The following CDH17 variants were observed in gnomAD, a reference collection of about 807,000 sequenced individuals.
CDH17 encodes cadherin 17.
CDH17 carries 67 observed loss-of-function variants against 86.3 expected under a neutral mutation model. That is an observed-to-expected ratio of 0.78 (90% confidence interval 0.64 to 0.95). The LOEUF (loss-of-function observed/expected upper bound fraction) is 0.95, where lower values mean the gene tolerates loss of function less well. CDH17 is among the 40% of genes least tolerant of loss of function. CDH17 has a pLI of 0.00. For missense variants in CDH17, 993 were observed against 1,017.6 expected (o/e 0.98, Z 0.33); for synonymous variants, 367 against 366.4 (o/e 1.00, Z -0.02).
chr8:94,177,843 A>T, intron 3 of CDH17, 122 bp from the exon 4 acceptor site: 2 of 905,926 alleles, frequency 2.2e-6, no homozygotes, highest in Non-Finnish European at 3.3e-6. Flanking sequence ...AGAAATCCTC[A>T]ACTTTTAAAG....
In CDH17 at chr8:94,189,248, G is replaced by A. The variant is rs1813639395; in HGVS notation, c.89C>T (p.Pro30Leu). 2 of 1,612,448 alleles carry A rather than the reference G, an allele frequency of 1.2e-6. No individual in the cohort carries two copies. Among genetic ancestry groups the A allele is most frequent in the Admixed American group, 3.4e-5 (2 of 59,554 alleles). Residue 30 changes from proline (P) to leucine (L), a missense_variant, in exon 3 of 18, where the codon CCC becomes CTC. Pro to Leu is a moderately conservative substitution (Grantham distance 98). Transcript: ENST00000027335. ...AATAGAAAATGTCATGGGTTTCAGG[G>A]GTCCACTAAACTTCCCCTCTTGGCC... is the stretch of plus-strand genomic sequence containing the variant. ...GYGQEGKFSG[P>L]LKPMTFSIYE...
chr8:94,150,710 C>T (rs1812839697), intron 13 of CDH17, among the ~76,000 whole-genome samples: 1 of 152,178 alleles, frequency 6.6e-6, no homozygotes, highest in Non-Finnish European at 1.5e-5. Flanking sequence ...AATTTTCTTA[C>T]ATGCCTTTAT....
Position 94,173,785 on chromosome 8 carries a change from C to A in CDH17, c.783+12G>T. ...TAGTTGGCTCTCAGTGTTACTTGGG[C>A]TTGGGTACTACCTGAGTGATTTTGA... On this transcript the variant is annotated intron_variant, in intron 7 of 17. Transcript: ENST00000027335. 2.5e-6 allele frequency: 4 copies of A among 1,610,762 alleles called. No individual in the cohort carries two copies. The highest frequency in any genetic ancestry group is 2.5e-6 in the Non-Finnish European group (3 of 1,177,384).
Position 94,193,276 on chromosome 8 carries a change from G to A in CDH17, c.51+1359C>T, listed in dbSNP as rs373454327. Among the ~76,000 whole-genome samples, 90 of 152,332 alleles carry A rather than the reference G, an allele frequency of 5.9e-4. 3 individuals are homozygous for A. The South Asian group carries it at 0.017, about 28-fold the overall frequency. ...TTAGATATTATTATTAAATAATTTA[G>A]CAGTGTGCTCAGTGCTGAATCTGCA... On this transcript the variant is annotated intron_variant, in intron 2 of 17. Transcript: ENST00000027335.
intron 14 of CDH17, among the ~76,000 whole-genome samples, chr8:94,146,483 C>A (rs1028854727): frequency 9.2e-5 from 14 of 152,234 alleles, no homozygotes; most frequent in Non-Finnish European, 1.9e-4. Context: ...AGCACTCACA[C>A]CTTCACTTGC....
At chr8:94,129,914 C>CCCCAAGATATCTCATCGTGTATTTG (rs1812376277) in intron 17 of CDH17, among the ~76,000 whole-genome samples, 1 of 152,170 alleles carries the variant, frequency 6.6e-6, no homozygotes. Context: ...TGGGTCTCAT[C>CCCCAAGATATCTCATCGTGTATTTG]CCCAAGATAT....
At position 94,160,090 on chromosome 8, in the gene CDH17, C is replaced by T; in HGVS notation, c.1432G>A (p.Asp478Asn). 6.2e-7 allele frequency: 1 copy of T among 1,613,878 alleles called. No individual in the cohort carries two copies. Among genetic ancestry groups the T allele is most frequent in the Non-Finnish European group, 8.5e-7 (1 of 1,179,842 alleles). The change falls in exon 12 of 18, where the codon GAT becomes AAT. Residue 478 changes from aspartate to asparagine, a missense_variant. By Grantham distance (23) the Asp-to-Asn change is conservative (BLOSUM62 1). Coordinates refer to ENST00000027335, the MANE Select transcript of CDH17 (RefSeq NM_004063.4). ...TILTIQATDADEPFTGSSKIL... is the reference protein window; with the variant it reads ...TILTIQATDANEPFTGSSKIL... ...TTAGAACTCCCAGTAAATGGCTCAT[C>T]AGCATCAGTGGCCTGGATGGTTAAG...
chr8:94,149,663 G>T (rs1812821090), intron 13 of CDH17, among the ~76,000 whole-genome samples: 1 of 152,300 alleles, frequency 6.6e-6, no homozygotes, highest in African/African-American at 2.4e-5. Flanking sequence ...CAGTGCTGGG[G>T]TATACTTGGG....
At chr8:94,198,110 A>T (rs1371875364) in intron 1 of CDH17, among the ~76,000 whole-genome samples, 5 of 152,160 alleles carry the variant, frequency 3.3e-5, no homozygotes, top group Non-Finnish European at 7.3e-5. Flanking sequence ...GAGCATGGAC[A>T]GAGATAGAGC....
chr8:94,214,138 T>C (rs1438724549), intron 1 of CDH17, among the ~76,000 whole-genome samples: 1 of 152,186 alleles, frequency 6.6e-6, no homozygotes, highest in Non-Finnish European at 1.5e-5. Flanking sequence ...CTGTTTTAAT[T>C]CTCCAAAACA....
chr8:94,186,498 A>AC (rs1367267451), intron 3 of CDH17, among the ~76,000 whole-genome samples: 1 of 152,052 alleles, frequency 6.6e-6, no homozygotes, highest in East Asian at 1.9e-4. Flanking sequence ...GCAAACAGGC[A>AC]CCCCCAAGCG....
intron 5 of CDH17, among the ~76,000 whole-genome samples, chr8:94,175,646 C>A (rs756363351): frequency 6.6e-6 from 1 of 151,996 alleles, no homozygotes; most frequent in Non-Finnish European, 1.5e-5. Context: ...GACACACTCA[C>A]GCCTTAATGA....
intron 3 of CDH17, among the ~76,000 whole-genome samples, chr8:94,187,400 G>A (rs564504244): frequency 4.6e-5 from 7 of 152,160 alleles, no homozygotes; most frequent in Non-Finnish European, 7.4e-5. Flanking sequence ...GGATGGAGTC[G>A]GGGTCATCCC....
chr8:94,199,059 AT>A, intron 1 of CDH17, among the ~76,000 whole-genome samples: 2 of 76,042 alleles, frequency 2.6e-5, no homozygotes, highest in Non-Finnish European at 5.0e-5. Flanking sequence ...ATATATATAT[AT>A]ATATATATAT....
chr8:94,185,823 G>A (rs560653948), intron 3 of CDH17, among the ~76,000 whole-genome samples: 60 of 152,066 alleles, frequency 3.9e-4, no homozygotes, highest in African/African-American at 1.2e-3. Flanking sequence ...CGTGAAAATC[G>A]TCTGGAGCTA....
At chr8:94,134,691 C>T (rs1362485560) in intron 15 of CDH17, among the ~76,000 whole-genome samples, 1 of 151,978 alleles carries the variant, frequency 6.6e-6, no homozygotes, top group Non-Finnish European at 1.5e-5. Flanking sequence ...TTATTTCCTG[C>T]CTTCTGCTAG....
intron 16 of CDH17, 34 bp downstream of exon 16, chr8:94,130,842 T>C (rs764457724): frequency 3.3e-6 from 5 of 1,514,616 alleles, no homozygotes; most frequent in Non-Finnish European, 4.6e-6. Flanking sequence ...TGGTGACAGA[T>C]ACTAGCCTGA....
At chr8:94,148,992 A>G in intron 13 of CDH17, 118 bp from the exon 14 acceptor site, 2 of 703,306 alleles carry the variant, frequency 2.8e-6, no homozygotes, top group Admixed American at 6.5e-5. Context: ...TAAATAATAT[A>G]CAAATGATAA....
At chr8:94,191,248 T>C (rs1235456218) in intron 2 of CDH17, among the ~76,000 whole-genome samples, 3 of 152,182 alleles carry the variant, frequency 2.0e-5, no homozygotes, top group Non-Finnish European at 4.4e-5. Flanking sequence ...GCAGCTGTGA[T>C]GAACCCTGAG....
Sources: allele counts gnomAD v4.1 joint callset (sites outside exome capture counted in the v4.1 genomes callset), GRCh38; gene constraint gnomAD v4.1.1; transcripts MANE v1.5; gene names NCBI Gene and HGNC (gene_info 2026-07-23, HGNC 2026-07-21).